Variants in TUBD1 observed in about 807,000 individuals in gnomAD.
The protein encoded by TUBD1 is tubulin delta chain.
Under a neutral mutation model 51.2 loss-of-function variants are expected in TUBD1, and 38 were observed. The observed-to-expected ratio is 0.74, with a 90% CI of 0.57 to 0.97. The LOEUF is 0.97. Among genes scored for constraint, TUBD1 ranks in the 50% least tolerant of loss-of-function variants. The pLI is 0.00. For missense variants in TUBD1, 489 were observed against 538.4 expected (o/e 0.91, Z 0.91); for synonymous variants, 169 against 178.2 (o/e 0.95, Z 0.41).
intron 8 of TUBD1, among the ~76,000 whole-genome samples, chr17:59,860,869 G>T (rs946388693): frequency 1.3e-5 from 2 of 151,950 alleles, no homozygotes; most frequent in African/African-American, 4.8e-5. Flanking sequence ...TTACAGGTGT[G>T]AGCCACCACG....
intron 1 of TUBD1, among the ~76,000 whole-genome samples, chr17:59,892,208 G>C (rs1051783366): frequency 6.6e-6 from 1 of 152,094 alleles, no homozygotes; most frequent in Non-Finnish European, 1.5e-5. Flanking sequence ...TTTAGCTCAG[G>C]TAGGACAGCA....
chr17:59,892,280 G>T (rs1055604552), intron 1 of TUBD1, among the ~76,000 whole-genome samples: 3 of 152,162 alleles, frequency 2.0e-5, no homozygotes, highest in African/African-American at 7.2e-5. Flanking sequence ...AATGGCTCAT[G>T]CCTGTAATCC....
At chr17:59,865,854 T>A (rs894317331) in intron 7 of TUBD1, among the ~76,000 whole-genome samples, 2 of 152,112 alleles carry the variant, frequency 1.3e-5, no homozygotes, top group African/African-American at 4.8e-5. Context: ...CTCACGCCTG[T>A]AATCCCAACA....
At chr17:59,892,624 A>C (rs1305712404) in intron 1 of TUBD1, 73 bp downstream of exon 1, 1 of 153,356 alleles carries the variant, frequency 6.5e-6, no homozygotes, top group Non-Finnish European at 1.5e-5. Flanking sequence ...CCACAGAACT[A>C]GTAAAGAGCA....
intron 2 of TUBD1, among the ~76,000 whole-genome samples, chr17:59,887,825 T>G: frequency 6.6e-6 from 1 of 152,058 alleles, no homozygotes; most frequent in East Asian, 1.9e-4. Flanking sequence ...AGAGACAGAA[T>G]CTTGCTCTAT....
Position 59,886,004 on chromosome 17 carries a change from T to A in TUBD1, c.320+79A>T. The stretch of plus-strand genomic sequence containing the variant: ...AAGATTATGTGCTTGGTATATCAAC[T>A]ATACAGTTCTAACTTTGCTATCTAT... On this transcript the variant is annotated intron_variant, in intron 3 of 8. Transcript: ENST00000325752. 3 of 1,464,348 alleles carry A rather than the reference T, an allele frequency of 2.0e-6. No individual in the cohort carries two copies. The African/African-American group carries it at 4.2e-5, about 21-fold the overall frequency. 90.7% of individuals were successfully genotyped at this position (1,464,348 alleles called of 1,614,324 possible).
chr17:59,886,129 C>G lies in TUBD1; in HGVS notation c.274G>C (p.Ala92Pro). The G allele has an allele frequency of 6.2e-7, 1 of 1,613,968 alleles. No individual in the cohort carries two copies. Among genetic ancestry groups the G allele is most frequent in the Non-Finnish European group, 8.5e-7 (1 of 1,180,014 alleles). The change falls in exon 3 of 9, where the codon GCA becomes CCA. Residue 92 changes from alanine to proline, a missense_variant. Ala to Pro is a conservative substitution (Grantham distance 27). Coordinates refer to ENST00000325752, the MANE Select transcript of TUBD1 (RefSeq NM_016261.4). ...QSGQWKYGQH[A>P]CFCQKQGSGN... ...GAACCTTGTTTTTGACAGAAGCATGCATGTTGACCATATTTCCATTGGCCA... is the reference window on the plus strand; with the variant it reads ...GAACCTTGTTTTTGACAGAAGCATGGATGTTGACCATATTTCCATTGGCCA...
chr17:59,878,620 C>T (rs1175566989), intron 4 of TUBD1: 19 of 292,936 alleles, frequency 6.5e-5, no homozygotes. Flanking sequence ...GCTGGAATTA[C>T]AGGCTTGTGC....
intron 5 of TUBD1, among the ~76,000 whole-genome samples, chr17:59,877,798 T>C (rs1378295843): frequency 1.3e-5 from 2 of 150,408 alleles, no homozygotes; most frequent in African/African-American, 4.9e-5. Flanking sequence ...AAAAAATCAT[T>C]GACTTGCACA....
At chr17:59,866,187 G>A (rs1237326224) in intron 7 of TUBD1, among the ~76,000 whole-genome samples, 1 of 149,728 alleles carries the variant, frequency 6.7e-6, no homozygotes, top group Non-Finnish European at 1.5e-5. Context: ...CAGCCAGATG[G>A]TAAAGTAAGG....
At chr17:59,872,832 T>C (rs1435947992) in intron 6 of TUBD1, among the ~76,000 whole-genome samples, 1 of 151,748 alleles carries the variant, frequency 6.6e-6, no homozygotes, top group Non-Finnish European at 1.5e-5. Context: ...AATGGCACTA[T>C]CATAGCTCAC....
chr17:59,865,042 G>A (rs2039635867), intron 7 of TUBD1, among the ~76,000 whole-genome samples: 1 of 151,484 alleles, frequency 6.6e-6, no homozygotes, highest in South Asian at 2.1e-4. Flanking sequence ...ATTCTTTGTG[G>A]AGATGGGGTC....
intron 8 of TUBD1, among the ~76,000 whole-genome samples, chr17:59,861,734 C>T (rs2039455186): frequency 6.6e-6 from 1 of 151,686 alleles, no homozygotes; most frequent in Non-Finnish European, 1.5e-5. Context: ...GTGGCATCAT[C>T]TTGGCTCACC....
chr17:59,873,104 A>G (rs8078424), intron 6 of TUBD1, among the ~76,000 whole-genome samples: 41,350 of 151,854 alleles, frequency 0.27, 5,777 homozygotes, highest in Middle Eastern at 0.42. Flanking sequence ...AGATAACAAT[A>G]TAAGTAAGAC....
At chr17:59,873,027 T>G (rs1201783698) in intron 6 of TUBD1, among the ~76,000 whole-genome samples, 1 of 151,922 alleles carries the variant, frequency 6.6e-6, no homozygotes, top group East Asian at 1.9e-4. Context: ...CCTCCCAAAG[T>G]GCTGGGATTA....
intron 3 of TUBD1, chr17:59,885,521 A>G (rs2040683145): frequency 6.4e-7 from 1 of 1,573,782 alleles, no homozygotes; most frequent in East Asian, 2.2e-5. Flanking sequence ...GATCCCTCCA[A>G]AGAACCTGAG....
intron 6 of TUBD1, among the ~76,000 whole-genome samples, chr17:59,867,572 C>T (rs1360505574): frequency 2.6e-5 from 4 of 151,958 alleles, no homozygotes; most frequent in Admixed American, 2.6e-4. Context: ...CTGTGGCATG[C>T]ACCTACTTGA....
In TUBD1 at chr17:59,877,965, T is replaced by C. The variant is rs150661310; in HGVS notation, c.769+138A>G. The C allele has an allele frequency of 3.1e-4, 210 of 674,092 alleles. No individual in the cohort carries two copies. In the African/African-American group the frequency reaches 3.6e-3, roughly 12 times the overall value. The allele number at this position is 674,092 out of a possible 1,614,324, so 41.8% of individuals were successfully genotyped here. ...TTTTCAATAAGACAGTTCAGAGAAC[T>C]AGCAGATGTGAAGAAAGGGTTTTGA... is the stretch of plus-strand genomic sequence containing the variant. On this transcript the variant is annotated intron_variant, in intron 5 of 8. Coordinates refer to ENST00000325752, the MANE Select transcript of TUBD1 (RefSeq NM_016261.4).
intron 6 of TUBD1, among the ~76,000 whole-genome samples, chr17:59,872,722 G>GTC (rs1488286755): frequency 1.7e-3 from 256 of 150,532 alleles, no homozygotes; most frequent in African/African-American, 6.0e-3. Flanking sequence ...GTGTGTGTGT[G>GTC]TGTGTGTCTG....
Sources: gnomAD v4.1 joint callset for allele counts (sites outside exome capture counted in the v4.1 genomes callset) on GRCh38, gnomAD v4.1.1 for gene constraint, MANE v1.5 for transcripts, NCBI Gene and HGNC (gene_info 2026-07-23, HGNC 2026-07-21) for gene names.